Variants in RGSL1 observed in about 807,000 individuals in gnomAD.
RGSL1 encodes regulator of G protein signaling like 1.
In RGSL1, 97 loss-of-function variants were observed where a neutral mutation model predicts 124.7. That is an observed-to-expected ratio of 0.78 (90% confidence interval 0.66 to 0.92). RGSL1 has a LOEUF of 0.92. Ranked by LOEUF, RGSL1 falls within the 40% of genes least tolerant of loss-of-function variation. RGSL1 has a pLI of 0.00. For missense variants in RGSL1, 1,233 were observed against 1,288.4 expected (o/e 0.96, Z 0.66); for synonymous variants, 424 against 438.1 (o/e 0.97, Z 0.40).
At chr1:182,544,355 G>T (rs1172529908) in intron 15 of RGSL1, among the ~76,000 whole-genome samples, 1 of 151,916 alleles carries the variant, frequency 6.6e-6, no homozygotes, top group African/African-American at 2.4e-5. Context: ...TTCCATCATG[G>T]TCAGATAGGA....
chr1:182,529,249 A>G (rs985820170), intron 11 of RGSL1, among the ~76,000 whole-genome samples: 2 of 152,160 alleles, frequency 1.3e-5, no homozygotes, highest in Admixed American at 6.5e-5. Context: ...CCACTTTACT[A>G]ATGAAGTAAA....
chr1:182,486,373 C>T (rs1262840247), intron 6 of RGSL1, among the ~76,000 whole-genome samples: 8 of 147,702 alleles, frequency 5.4e-5, no homozygotes, highest in Admixed American at 2.0e-4. Flanking sequence ...TGCAGTAGCA[C>T]GATCTTGGTT....
chr1:182,554,365 C>T (rs759054946), intron 19 of RGSL1, among the ~76,000 whole-genome samples: 2 of 152,202 alleles, frequency 1.3e-5, no homozygotes, highest in Middle Eastern at 3.2e-3. Flanking sequence ...ATTTTACTTC[C>T]CTAAGTCTAT....
At chr1:182,531,413 G>T (rs1405301277) in intron 13 of RGSL1, among the ~76,000 whole-genome samples, 1 of 152,112 alleles carries the variant, frequency 6.6e-6, no homozygotes, top group Non-Finnish European at 1.5e-5. Context: ...AGAAAGAGGG[G>T]ACAGGAATGT....
At chr1:182,514,302 C>A (rs1396521727) in intron 9 of RGSL1, among the ~76,000 whole-genome samples, 3 of 152,144 alleles carry the variant, frequency 2.0e-5, no homozygotes, top group African/African-American at 7.2e-5. Flanking sequence ...CTGAAAGTGT[C>A]CCCTCTTCCA....
intron 10 of RGSL1, among the ~76,000 whole-genome samples, chr1:182,526,556 T>TA (rs1658760908): frequency 6.6e-6 from 1 of 151,880 alleles, no homozygotes; most frequent in Admixed American, 6.6e-5. Flanking sequence ...CACCTGTAGT[T>TA]ACAGCTACTT....
At chr1:182,547,438 C>A (rs900850025) in intron 15 of RGSL1, among the ~76,000 whole-genome samples, 1 of 152,170 alleles carries the variant, frequency 6.6e-6, no homozygotes, top group Non-Finnish European at 1.5e-5. Flanking sequence ...ATAGCCTCAC[C>A]TGCTGCTGCT....
At chr1:182,501,329 T>C (rs1656367904) in intron 9 of RGSL1, among the ~76,000 whole-genome samples, 1 of 125,584 alleles carries the variant, frequency 8.0e-6, no homozygotes, top group South Asian at 2.7e-4. Context: ...TTTTTTTTTT[T>C]TTTTTTTTGA....
At chr1:182,555,240 C>G (rs266548) in intron 20 of RGSL1, 64,179 of 154,590 alleles carry the variant, frequency 0.42, 13,708 homozygotes, top group African/African-American at 0.47. Flanking sequence ...TGCAATACTT[C>G]ACTTTCCATT....
At chr1:182,461,033 C>A (rs1652789558) in intron 4 of RGSL1, among the ~76,000 whole-genome samples, 2 of 152,144 alleles carry the variant, frequency 1.3e-5, no homozygotes, top group African/African-American at 4.8e-5. Context: ...GACGTGGGCA[C>A]ACATTGTTAT....
At chr1:182,466,362 A>C (rs1340179983) in intron 4 of RGSL1, among the ~76,000 whole-genome samples, 3 of 152,182 alleles carry the variant, frequency 2.0e-5, no homozygotes, top group Non-Finnish European at 4.4e-5. Context: ...CTTAATTGGA[A>C]AGAAAGAGGT....
intron 3 of RGSL1, among the ~76,000 whole-genome samples, 178 bp from the exon 4 acceptor site, chr1:182,459,826 A>G (rs1483656191): frequency 6.6e-6 from 1 of 152,072 alleles, no homozygotes; most frequent in Non-Finnish European, 1.5e-5. Context: ...CTCCTCTTTG[A>G]TACTTCTTTT....
chr1:182,478,626 T>G (rs533934191), intron 6 of RGSL1, among the ~76,000 whole-genome samples: 9 of 152,124 alleles, frequency 5.9e-5, no homozygotes, highest in African/African-American at 1.9e-4. Flanking sequence ...AATATACACA[T>G]AGAAGTCTCA....
At position 182,530,284 on chromosome 1, in the gene RGSL1, C is replaced by A. The variant is rs754856726; in HGVS notation, c.2166C>A (p.Ile722=). ...GTGATGCCCCTATTATCAAAGAAAT[C>A]GCTTCCATGCGTCATGTCACCACAA... is the stretch of plus-strand genomic sequence containing the variant. ...LQCDAPIIKE[I]ASMRHVTTST... The change falls in exon 12 of 22, where the codon ATC becomes ATA. Residue 722 remains isoleucine, a synonymous_variant. Transcript: ENST00000294854. The A allele has an allele frequency of 6.4e-7, 1 of 1,550,860 alleles. No individual in the cohort carries two copies. The highest frequency in any genetic ancestry group is 8.7e-7 in the Non-Finnish European group (1 of 1,146,518).
intron 14 of RGSL1, among the ~76,000 whole-genome samples, chr1:182,538,231 T>TA (rs1488054379): frequency 2.0e-5 from 3 of 152,266 alleles, no homozygotes; most frequent in East Asian, 3.9e-4. Context: ...GACGTTCCGA[T>TA]AAAAAAGTTT....
At chr1:182,498,714 T>C (rs1558313856) in intron 9 of RGSL1, among the ~76,000 whole-genome samples, 1 of 152,198 alleles carries the variant, frequency 6.6e-6, no homozygotes, top group Non-Finnish European at 1.5e-5. Context: ...TTGGTTTAAA[T>C]TCAGTTTTTT....
rs1459050688 is a variant in RGSL1, at chr1:182,473,584, T to C, written c.473T>C (p.Leu158Pro). ...TCTGTATTATTTCCAGAGTCCCTCC[T>C]GAACCTCTCCATCTGGCATCCCAAC... ...TLCNMNIKSL[L>P]NLSIWHPNQS... Residue 158 changes from leucine (L) to proline (P), a missense_variant, in exon 6 of 22, where the codon CTG becomes CCG. By Grantham distance (98) the Leu-to-Pro change is moderately conservative (BLOSUM62 -3). Coordinates refer to ENST00000294854, the MANE Select transcript of RGSL1 (RefSeq NM_001137669.2). 8.4e-6 allele frequency: 13 copies of C among 1,544,606 alleles called. No homozygotes were observed. The highest frequency in any genetic ancestry group is 1.0e-5 in the Non-Finnish European group (12 of 1,143,580).
chr1:182,458,916 T>G (rs1652576116), intron 3 of RGSL1, among the ~76,000 whole-genome samples: 1 of 152,234 alleles, frequency 6.6e-6, no homozygotes, highest in South Asian at 2.1e-4. Flanking sequence ...ATTTTTTACC[T>G]CTTATCCAAG....
At chr1:182,473,495 A>C in intron 5 of RGSL1, 80 bp from the exon 6 acceptor site, 1 of 1,426,644 alleles carries the variant, frequency 7.0e-7, no homozygotes, top group Non-Finnish European at 9.2e-7. Flanking sequence ...CATTTGAAAA[A>C]AATTAAAAAC....
Sources: allele counts gnomAD v4.1 joint callset (sites outside exome capture counted in the v4.1 genomes callset), GRCh38; gene constraint gnomAD v4.1.1; transcripts MANE v1.5; gene names NCBI Gene and HGNC (gene_info 2026-07-23, HGNC 2026-07-21).